The following CYP4X1 variants were observed in gnomAD, a reference collection of about 807,000 sequenced individuals.
The protein encoded by CYP4X1 is cytochrome P450 family 4 subfamily X member 1.
Under a neutral mutation model 57.9 loss-of-function variants are expected in CYP4X1, and 44 were observed. That is an observed-to-expected ratio of 0.76 (90% CI 0.60 to 0.98). The LOEUF is 0.98. CYP4X1 is among the 50% of genes least tolerant of loss of function. The pLI is 0.00. For synonymous variants in CYP4X1, 227 were observed against 228.6 expected (o/e 0.99, Z 0.06); for missense variants, 532 against 623.9 (o/e 0.85, Z 1.57).
At chr1:46,983,557 G>A in the CYP4X1 span, among the ~76,000 whole-genome samples, 2 of 152,240 alleles carry the variant, frequency 1.3e-5, no homozygotes, top group African/African-American at 2.4e-5. Flanking sequence ...GTGCTCAGGT[G>A]GGGGCAGGGC....
the CYP4X1 span, among the ~76,000 whole-genome samples, chr1:47,016,615 A>C: frequency 6.6e-6 from 1 of 152,226 alleles, no homozygotes; most frequent in Non-Finnish European, 1.5e-5. Context: ...TGCTGGGATT[A>C]CAGGTGTGAA....
chr1:47,001,877 T>C, the CYP4X1 span, among the ~76,000 whole-genome samples: 8 of 152,326 alleles, frequency 5.3e-5, 1 homozygote, highest in South Asian at 1.4e-3. Flanking sequence ...GTCCAACCCA[T>C]GTCCTAACCC....
At chr1:46,980,890 A>G in the CYP4X1 span, among the ~76,000 whole-genome samples, 1 of 152,168 alleles carries the variant, frequency 6.6e-6, no homozygotes, top group Non-Finnish European at 1.5e-5. Flanking sequence ...AGGATTCCCT[A>G]TTTAAAAATA....
At chr1:47,047,005 TA>T (rs1368583989) in intron 9 of CYP4X1, among the ~76,000 whole-genome samples, 7 of 152,222 alleles carry the variant, frequency 4.6e-5, no homozygotes, top group African/African-American at 1.7e-4. Flanking sequence ...ATATCACCCT[TA>T]TAAATATACA....
chr1:46,995,421 C>T, the CYP4X1 span, among the ~76,000 whole-genome samples: 35 of 151,528 alleles, frequency 2.3e-4, 3 homozygotes, highest in Admixed American at 1.7e-3. Flanking sequence ...AGGAGTTAAC[C>T]GGGTAGAGAG....
chr1:47,000,012 A>C, the CYP4X1 span, among the ~76,000 whole-genome samples: 2 of 152,074 alleles, frequency 1.3e-5, no homozygotes, highest in African/African-American at 4.8e-5. Context: ...CCGGGGTGGA[A>C]TGATGTGGTT....
chr1:47,031,195 A>G (rs938612885), intron 2 of CYP4X1, among the ~76,000 whole-genome samples: 3 of 152,250 alleles, frequency 2.0e-5, no homozygotes, highest in African/African-American at 4.8e-5. Context: ...AAGTGTAAAC[A>G]AGGGAATAAT....
At chr1:46,962,989 C>T in the CYP4X1 span, among the ~76,000 whole-genome samples, 165 of 152,216 alleles carry the variant, frequency 1.1e-3, no homozygotes, top group African/African-American at 3.8e-3. Context: ...TTGAATTGAT[C>T]CCTTTACCAT....
the CYP4X1 span, among the ~76,000 whole-genome samples, chr1:46,989,404 C>T: frequency 0.015 from 2,239 of 152,100 alleles, 31 homozygotes; most frequent in Non-Finnish European, 0.02. Flanking sequence ...TAAGAGACAA[C>T]ACAAACAAAT....
the CYP4X1 span, among the ~76,000 whole-genome samples, chr1:46,964,657 G>C: frequency 2.6e-5 from 4 of 152,292 alleles, no homozygotes; most frequent in South Asian, 8.3e-4. Context: ...CCTACTGGGG[G>C]TGCCTCCCAG....
intron 3 of CYP4X1, among the ~76,000 whole-genome samples, chr1:47,031,715 G>A: frequency 6.6e-6 from 1 of 152,024 alleles, no homozygotes; most frequent in East Asian, 1.9e-4. Context: ...TCTCAAGGCA[G>A]CAGATACATG....
At chr1:47,042,045 C>A (rs1437205603) in intron 8 of CYP4X1, among the ~76,000 whole-genome samples, 1 of 152,042 alleles carries the variant, frequency 6.6e-6, no homozygotes, top group African/African-American at 2.4e-5. Flanking sequence ...TGCCCTTTCA[C>A]CACTGTATGT....
At chr1:46,985,173 C>T in the CYP4X1 span, among the ~76,000 whole-genome samples, 2 of 152,122 alleles carry the variant, frequency 1.3e-5, no homozygotes, top group African/African-American at 4.8e-5. Context: ...TCCTCTTTGG[C>T]CAGGGCATCT....
chr1:46,975,214 T>A, the CYP4X1 span, among the ~76,000 whole-genome samples: 1 of 152,236 alleles, frequency 6.6e-6, no homozygotes, highest in Admixed American at 6.5e-5. Flanking sequence ...CCTGTCATCA[T>A]GTTGTTAGCT....
At chr1:47,046,740 A>C (rs111378209) in intron 9 of CYP4X1, 140 bp downstream of exon 9, 1 of 1,227,214 alleles carries the variant, frequency 8.1e-7, no homozygotes, top group South Asian at 1.6e-5. Flanking sequence ...ATCACCTATG[A>C]GGAGCTCAGA....
upstream of CYP4X1, chr1:47,023,659 T>A (rs1212346243): frequency 1.4e-6 from 2 of 1,415,342 alleles, no homozygotes; most frequent in African/African-American, 1.5e-5. Flanking sequence ...AGGCCTGAGC[T>A]GCCCCTCCCA....
chr1:47,006,604 C>T, the CYP4X1 span, among the ~76,000 whole-genome samples: 1 of 152,120 alleles, frequency 6.6e-6, no homozygotes, highest in African/African-American at 2.4e-5. Context: ...GGATGCAACA[C>T]ACTGAGCATG....
At chr1:47,051,201 G>A (rs925528747), downstream of CYP4X1, among the ~76,000 whole-genome samples, 11 of 152,138 alleles carry the variant, frequency 7.2e-5, no homozygotes, top group African/African-American at 2.7e-4. Context: ...ACACCAGTTA[G>A]AATGGCAATC....
At chr1:47,033,443 T>C in intron 4 of CYP4X1, 75 bp downstream of exon 4, 2 of 1,538,956 alleles carry the variant, frequency 1.3e-6, no homozygotes, top group Non-Finnish European at 1.8e-6. Context: ...ATGTGTTTTG[T>C]GGGCCATGAA....
Sources: allele counts gnomAD v4.1 joint callset (sites outside exome capture counted in the v4.1 genomes callset), GRCh38; gene constraint gnomAD v4.1.1; transcripts MANE v1.5; gene names NCBI Gene and HGNC (gene_info 2026-07-23, HGNC 2026-07-21).